PIK3R4: variants seen among roughly 807,000 people sequenced by gnomAD.
PIK3R4 encodes the protein phosphoinositide 3-kinase regulatory subunit 4.
A neutral mutation model predicts 136.5 loss-of-function variants in PIK3R4; 46 were observed. The observed-to-expected ratio is 0.34, with a 90% CI of 0.27 to 0.43. The LOEUF (loss-of-function observed/expected upper bound fraction) is 0.43. Ranked by LOEUF, PIK3R4 falls within the 20% of genes least tolerant of loss-of-function variation. PIK3R4 has a pLI of 1.00. For synonymous variants in PIK3R4, 557 were observed against 566.7 expected (o/e 0.98, Z 0.24); for missense variants, 1,331 against 1,649.5 (o/e 0.81, Z 3.35).
In PIK3R4 at chr3:130,679,288, A is replaced by G; in HGVS notation, c.*27T>C. ...GAGTTATAGTATTATATTTATAACT[A>G]TTAAAATTTATACAAATCAGTAGGT... is the stretch of plus-strand genomic sequence containing the variant. On this transcript the variant is annotated 3_prime_UTR_variant, in exon 20 of 20. Transcript: ENST00000356763. 7.1e-7 allele frequency: 1 copy of G among 1,414,190 alleles called. No individual in the cohort carries two copies. The highest frequency in any genetic ancestry group is 2.3e-5 in the Admixed American group (1 of 43,928). The allele number at this position is 1,414,190 out of a possible 1,614,324, so 87.6% of individuals were successfully genotyped here.
chr3:130,688,367 G>A (rs2066499998), intron 14 of PIK3R4, among the ~76,000 whole-genome samples: 1 of 152,144 alleles, frequency 6.6e-6, no homozygotes, highest in Non-Finnish European at 1.5e-5. Flanking sequence ...TAGCCTCCCA[G>A]TGTCAAATTC....
At chr3:130,684,507 A>G (rs2066478059) in intron 15 of PIK3R4, 126 bp from the exon 16 acceptor site, 3 of 842,180 alleles carry the variant, frequency 3.6e-6, no homozygotes, top group East Asian at 2.7e-5. Context: ...GTTACTTAAA[A>G]AAAAGTTTTG....
intron 7 of PIK3R4, among the ~76,000 whole-genome samples, chr3:130,722,314 T>C (rs1208029094): frequency 6.6e-6 from 1 of 152,210 alleles, no homozygotes; most frequent in Admixed American, 6.5e-5. Flanking sequence ...GTTTATTCTG[T>C]ATATAAACAT....
intron 10 of PIK3R4, 108 bp downstream of exon 10, chr3:130,708,183 C>A: frequency 2.3e-6 from 2 of 885,478 alleles, no homozygotes; most frequent in Non-Finnish European, 3.5e-6. Flanking sequence ...TTTGTAAGTT[C>A]TTTATCTGTG....
At chr3:130,714,935 T>C (rs1054866435) in intron 9 of PIK3R4, among the ~76,000 whole-genome samples, 3 of 152,146 alleles carry the variant, frequency 2.0e-5, no homozygotes, top group African/African-American at 7.2e-5. Flanking sequence ...TATAGTAGAA[T>C]GATTTATATT....
intron 2 of PIK3R4, among the ~76,000 whole-genome samples, chr3:130,736,930 G>A (rs765851809): frequency 1.3e-5 from 2 of 152,130 alleles, no homozygotes; most frequent in Admixed American, 1.3e-4. Flanking sequence ...GATAACTCTC[G>A]TTTTGCACTT....
chr3:130,724,180 A>C (rs2066719134), intron 6 of PIK3R4, among the ~76,000 whole-genome samples: 1 of 152,216 alleles, frequency 6.6e-6, no homozygotes, highest in South Asian at 2.1e-4. Context: ...AATAAAATTA[A>C]TAAGAAAGAA....
rs771443538 is a variant in PIK3R4, at chr3:130,733,701, C to T, written c.1297G>A (p.Val433Met). ...AACGTCCTCAAGGCTTCAGCCCTCA[C>T]CCTAGGAACAGAGTCATTGCTGAAA... is the stretch of plus-strand genomic sequence containing the variant. ...LHFSNDSVPR[V>M]RAEALRTLTK... Residue 433 changes from valine (V) to methionine (M), a missense_variant, in exon 4 of 20, where the codon GTG (valine) becomes ATG (methionine). By Grantham distance (21) the Val-to-Met change is conservative (BLOSUM62 1). Coordinates refer to ENST00000356763, the MANE Select transcript of PIK3R4 (RefSeq NM_014602.3). The T allele has an allele frequency of 5.6e-6, 9 of 1,614,044 alleles. No individual in the cohort carries two copies. The East Asian group carries it at 2.0e-4, about 36-fold the overall frequency.
At chr3:130,681,422 T>TTAAATGCCTGAAAG (rs1282551212) in intron 17 of PIK3R4, 69 bp downstream of exon 17, 1 of 1,042,932 alleles carries the variant, frequency 9.6e-7, no homozygotes, top group Non-Finnish European at 1.5e-6. Flanking sequence ...CTAGGTTTGA[T>TTAAATGCCTGAAAG]TAAATGCCTG....
At chr3:130,704,956 G>T (rs1168914165) in intron 12 of PIK3R4, among the ~76,000 whole-genome samples, 3 of 151,936 alleles carry the variant, frequency 2.0e-5, no homozygotes, top group African/African-American at 7.3e-5. Context: ...TTAGCCTCCG[G>T]AGTAGCTGGG....
At chr3:130,683,111 C>T (rs1044970638) in intron 16 of PIK3R4, among the ~76,000 whole-genome samples, 5 of 152,210 alleles carry the variant, frequency 3.3e-5, no homozygotes, top group African/African-American at 4.8e-5. Context: ...AAAGAGCAGT[C>T]GAGGATAATT....
intron 9 of PIK3R4, among the ~76,000 whole-genome samples, chr3:130,715,917 G>T (rs1201954005): frequency 4.6e-5 from 7 of 152,070 alleles, no homozygotes; most frequent in Non-Finnish European, 8.8e-5. Flanking sequence ...GTAAACTGCT[G>T]GTCTATTAAA....
chr3:130,706,914 C>A, intron 11 of PIK3R4, 34 bp downstream of exon 11: 1 of 1,546,878 alleles, frequency 6.5e-7, no homozygotes, highest in South Asian at 1.2e-5. Flanking sequence ...CGTTCAAAGA[C>A]ATTAGGAGGA....
In PIK3R4 at chr3:130,695,675, T is replaced by C. The variant is rs538192919; in HGVS notation, c.3099-5021A>G. The stretch of plus-strand genomic sequence containing the variant: ...ATAGAGACTCTATTCACATAACTTT[T>C]ATTAAAATATATTATTGTAACTGTT... On this transcript the variant is annotated intron_variant, in intron 13 of 19. Transcript: ENST00000356763. Among the ~76,000 whole-genome samples the C allele has an allele frequency of 6.6e-5, 10 of 152,286 alleles. No individual in the cohort carries two copies. In the South Asian group the frequency reaches 1.2e-3, roughly 19 times the overall value.
At chr3:130,729,498 CA>C (rs2066750500) in intron 5 of PIK3R4, among the ~76,000 whole-genome samples, 1 of 152,086 alleles carries the variant, frequency 6.6e-6, no homozygotes. Flanking sequence ...AAAATTTTAC[CA>C]TTTAACTTTA....
At chr3:130,729,235 G>A (rs138970486) in intron 5 of PIK3R4, among the ~76,000 whole-genome samples, 66 of 152,108 alleles carry the variant, frequency 4.3e-4, no homozygotes, top group African/African-American at 1.5e-3. Flanking sequence ...TATTTACTTA[G>A]CTGCCTGTCT....
Position 130,705,737 on chromosome 3 carries a change from G to T in PIK3R4, c.2756C>A (p.Pro919Gln). ...TGTACTACTTAAAACCGGTATTACT[G>T]GTTTTTTATTTTGGACAGTTGTCAC... The part of the protein sequence containing the change: ...PEVTTVQNKK[P>Q]VIPVLSSTIL... The change falls in exon 12 of 20, where the codon CCA becomes CAA. Residue 919 changes from proline (P) to glutamine (Q), a missense_variant. Pro to Gln is a moderately conservative substitution (Grantham distance 76). Around this residue, in one of 2 missense-constraint regions of PIK3R4, gnomAD observed 1,180 missense variants for 1,407.0 expected, o/e 0.84. Transcript: ENST00000356763. The T allele has an allele frequency of 1.2e-6, 2 of 1,610,826 alleles. No homozygotes were observed. Among genetic ancestry groups the T allele is most frequent in the Non-Finnish European group, 1.7e-6 (2 of 1,177,160 alleles).
At chr3:130,705,513 C>T in intron 12 of PIK3R4, 48 bp downstream of exon 12, 1 of 1,228,896 alleles carries the variant, frequency 8.1e-7, no homozygotes, top group Non-Finnish European at 1.2e-6. Context: ...AGATTCTAGC[C>T]TTAAGCACCT....
In PIK3R4 at chr3:130,686,194, C is replaced by G. The variant is rs1392426557; in HGVS notation, c.3475+17G>C. On this transcript the variant is annotated intron_variant, in intron 15 of 19. Coordinates refer to ENST00000356763, the MANE Select transcript of PIK3R4 (RefSeq NM_014602.3). ...GTGGCATTCAAAACCCAGCCAATGA[C>G]TTGAAAGTTAGCTTACCAATGCAGA... 6.4e-7 allele frequency: 1 copy of G among 1,566,068 alleles called. No individual in the cohort carries two copies. The highest frequency in any genetic ancestry group is 1.4e-5 in the African/African-American group (1 of 73,886).
Sources: allele counts gnomAD v4.1 joint callset (sites outside exome capture counted in the v4.1 genomes callset), GRCh38; gene constraint gnomAD v4.1.1; regional missense constraint gnomAD v4.1.1; transcripts MANE v1.5; gene names NCBI Gene and HGNC (gene_info 2026-07-23, HGNC 2026-07-21).